The following P2RY12 variants were observed in gnomAD, a reference collection of about 807,000 sequenced individuals.
P2RY12 encodes the protein purinergic receptor P2Y12, also known as P2Y purinoceptor 12.
A neutral mutation model predicts 4.5 loss-of-function variants in P2RY12; 3 were observed. The observed-to-expected ratio is 0.67, with a 90% CI of 0.31 to 1.74. The LOEUF (loss-of-function observed/expected upper bound fraction) is 1.74. P2RY12 is among the 40% of genes most tolerant of loss of function. The probability of loss-of-function intolerance (pLI) is 0.09; values close to 1 mark genes in which losing one functional copy is unlikely to be tolerated. For missense variants in P2RY12, 356 were observed against 407.8 expected (o/e 0.87, Z 1.09); for synonymous variants, 148 against 154.1 (o/e 0.96, Z 0.29).
intron 1 of P2RY12, chr3:151,365,013 A>T (rs770859449): frequency 1.2e-6 from 2 of 1,614,032 alleles, no homozygotes; most frequent in South Asian, 2.2e-5. Flanking sequence ...AACCATATAT[A>T]ATAACGTGAT....
chr3:151,351,421 G>T (rs1415272264), intron 1 of P2RY12, among the ~76,000 whole-genome samples: 1 of 152,120 alleles, frequency 6.6e-6, no homozygotes, highest in Non-Finnish European at 1.5e-5. Flanking sequence ...TCCCAGTTAA[G>T]GGCTTTGAAA....
At chr3:151,365,325 T>A in intron 1 of P2RY12, 3 of 764,948 alleles carry the variant, frequency 3.9e-6, no homozygotes, top group Non-Finnish European at 6.5e-6. Flanking sequence ...TTGCTTTTTC[T>A]AAATCTTCTT....
At chr3:151,346,209 G>A (rs1043370786) in intron 1 of P2RY12, among the ~76,000 whole-genome samples, 1 of 151,990 alleles carries the variant, frequency 6.6e-6, no homozygotes, top group Admixed American at 6.6e-5. Flanking sequence ...GTAGAAAGAT[G>A]TTCCTTTCTT....
intron 1 of P2RY12, among the ~76,000 whole-genome samples, chr3:151,367,223 C>T (rs1401802740): frequency 2.6e-5 from 4 of 152,164 alleles, no homozygotes; most frequent in Admixed American, 2.6e-4. Flanking sequence ...GAAAGGAACT[C>T]CAAAACCTTA....
At chr3:151,348,050 T>C (rs1258974486) in intron 1 of P2RY12, among the ~76,000 whole-genome samples, 1 of 152,170 alleles carries the variant, frequency 6.6e-6, no homozygotes, top group East Asian at 1.9e-4. Context: ...TAAATACTAC[T>C]TTGATGACAT....
intron 1 of P2RY12, among the ~76,000 whole-genome samples, chr3:151,342,281 A>G (rs1751953965): frequency 6.6e-6 from 1 of 151,982 alleles, no homozygotes; most frequent in African/African-American, 2.4e-5. Flanking sequence ...GCAGAAACAC[A>G]CCTCCCTGGT....
chr3:151,349,965 G>C (rs1577401597), intron 1 of P2RY12: 9 of 1,161,556 alleles, frequency 7.7e-6, no homozygotes, highest in Non-Finnish European at 8.4e-6. Context: ...CCGCAAGCCA[G>C]CATGGAGGTG....
intron 1 of P2RY12, chr3:151,378,023 G>T (rs1281559445): frequency 1.2e-6 from 2 of 1,603,518 alleles, no homozygotes; most frequent in Non-Finnish European, 1.7e-6. Context: ...TCCTCCGAAC[G>T]CAGGGGTGTA....
chr3:151,379,748 A>T (rs1711904088), intron 1 of P2RY12, among the ~76,000 whole-genome samples: 1 of 152,204 alleles, frequency 6.6e-6, no homozygotes, highest in South Asian at 2.1e-4. Context: ...AACTTTAAAA[A>T]TTTTTAATTT....
chr3:151,348,880 C>G (rs1160572798), intron 1 of P2RY12, among the ~76,000 whole-genome samples: 2 of 152,140 alleles, frequency 1.3e-5, no homozygotes, highest in African/African-American at 4.8e-5. Context: ...TTGGACTTCT[C>G]CTAGTCTGAG....
intron 1 of P2RY12, among the ~76,000 whole-genome samples, chr3:151,365,631 T>C (rs940610483): frequency 6.7e-6 from 1 of 150,220 alleles, no homozygotes; most frequent in Non-Finnish European, 1.5e-5. Context: ...ATGTACTGAT[T>C]ATTGTTTGTT....
At position 151,367,565 on chromosome 3, in the gene P2RY12, C is replaced by G. The variant is rs1206303117; in HGVS notation, c.-180+17127G>C. ...GGGATTTGAGATCTTATTGGTATTG[C>G]CTGCATTCTCTTAGTTATTAATCTT... On this transcript the variant is annotated intron_variant, in intron 1 of 2. Coordinates refer to ENST00000302632, the MANE Select transcript of P2RY12 (RefSeq NM_022788.5). 6.4e-5 allele frequency: 83 copies of G among 1,301,802 alleles called. 2 individuals are homozygous for G. The South Asian group carries it at 1.2e-3, about 19-fold the overall frequency. The allele number at this position is 1,301,802 out of a possible 1,614,324, so 80.6% of individuals were successfully genotyped here. A position where few individuals can be genotyped will look rare whatever the true frequency, so the allele number is the denominator to read the frequency against.
intron 1 of P2RY12, chr3:151,356,066 C>T (rs1236254872): frequency 1.3e-6 from 2 of 1,594,270 alleles, no homozygotes; most frequent in Admixed American, 3.6e-5. Context: ...GTTTCTCTTA[C>T]TTTTAGGAAA....
chr3:151,354,493 A>T (rs928529643), intron 1 of P2RY12, among the ~76,000 whole-genome samples: 2 of 152,216 alleles, frequency 1.3e-5, no homozygotes, highest in Non-Finnish European at 1.5e-5. Context: ...TGTGTCAGAA[A>T]AGTAACAAGA....
At chr3:151,383,145 A>G (rs1712702714) in intron 1 of P2RY12, among the ~76,000 whole-genome samples, 1 of 152,260 alleles carries the variant, frequency 6.6e-6, no homozygotes, top group African/African-American at 2.4e-5. Context: ...TATAAAGACA[A>G]ATCCCACAGA....
intron 1 of P2RY12, among the ~76,000 whole-genome samples, chr3:151,352,103 C>G (rs992905684): frequency 6.6e-6 from 1 of 152,098 alleles, no homozygotes; most frequent in Non-Finnish European, 1.5e-5. Context: ...ACATGAAACT[C>G]ATTTATGTTT....
chr3:151,360,400 A>G, intron 1 of P2RY12: 2 of 1,385,378 alleles, frequency 1.4e-6, no homozygotes. Flanking sequence ...ACATATTTTC[A>G]TTCTAAAAGA....
At chr3:151,367,432 T>TA (rs1173809470) in intron 1 of P2RY12, among the ~76,000 whole-genome samples, 3 of 152,230 alleles carry the variant, frequency 2.0e-5, no homozygotes, top group African/African-American at 7.2e-5. Context: ...AGTATTTTCT[T>TA]ACAGCATTGG....
intron 1 of P2RY12, among the ~76,000 whole-genome samples, chr3:151,358,911 C>T (rs926186709): frequency 2.0e-5 from 3 of 152,082 alleles, no homozygotes; most frequent in South Asian, 2.1e-4. Context: ...AATAATTTTT[C>T]GCTTTATAGA....
Sources: allele counts gnomAD v4.1 joint callset (sites outside exome capture counted in the v4.1 genomes callset), GRCh38; gene constraint gnomAD v4.1.1; transcripts MANE v1.5; gene names NCBI Gene and HGNC (gene_info 2026-07-23, HGNC 2026-07-21).